Variants in OPRD1 observed in about 807,000 individuals in gnomAD.
The protein encoded by OPRD1 is opioid receptor delta 1, also known as delta-type opioid receptor.
A neutral mutation model predicts 17.5 loss-of-function variants in OPRD1; 19 were observed. That is an observed-to-expected ratio of 1.09 (90% confidence interval 0.76 to 1.60). The LOEUF (loss-of-function observed/expected upper bound fraction) is 1.60. Among genes scored for constraint, OPRD1 ranks in the 40% most tolerant of loss-of-function variants. The pLI is 0.00. For synonymous variants in OPRD1, 256 were observed against 240.9 expected (o/e 1.06, Z -0.58); for missense variants, 483 against 547.2 (o/e 0.88, Z 1.17).
Position 28,863,128 on chromosome 1 carries a change from G to A in OPRD1, c.964G>A (p.Asp322Asn), listed in dbSNP as rs759595223. The A allele has an allele frequency of 1.9e-6, 3 of 1,609,702 alleles. No individual in the cohort carries two copies. The highest frequency in any genetic ancestry group is 1.7e-6 in the Non-Finnish European group (2 of 1,179,252). ...SLNPVLYAFL[D>N]ENFKRCFRQL... ...CAACCCCGTGCTCTACGCTTTCCTC[G>A]ACGAGAACTTCAAGCGCTGCTTCCG... Residue 322 changes from aspartate to asparagine, a missense_variant, in exon 3 of 3, where the codon GAC becomes AAC. Coordinates refer to ENST00000234961, the MANE Select transcript of OPRD1 (RefSeq NM_000911.4).
chr1:28,849,521 C>T (rs534393742), intron 1 of OPRD1, among the ~76,000 whole-genome samples: 3 of 152,180 alleles, frequency 2.0e-5, no homozygotes, highest in South Asian at 2.1e-4. Context: ...CACACACACA[C>T]GCACACACAG....
At chr1:28,834,648 G>A (rs940062536) in intron 1 of OPRD1, among the ~76,000 whole-genome samples, 3 of 152,074 alleles carry the variant, frequency 2.0e-5, no homozygotes, top group African/African-American at 7.2e-5. Context: ...CCAAGGTGCT[G>A]GGATTACAGG....
intron 1 of OPRD1, among the ~76,000 whole-genome samples, chr1:28,855,183 G>A (rs1020374454): frequency 2.0e-5 from 3 of 152,140 alleles, no homozygotes; most frequent in Non-Finnish European, 4.4e-5. Flanking sequence ...TGGTCAGGGA[G>A]GGCCTCCCTG....
chr1:28,823,674 G>A (rs530596888), intron 1 of OPRD1, among the ~76,000 whole-genome samples: 41 of 152,002 alleles, frequency 2.7e-4, no homozygotes, highest in African/African-American at 8.9e-4. Flanking sequence ...GATTACAGGC[G>A]TGAGCCACTG....
At chr1:28,858,709 C>T (rs1358974354) in intron 1 of OPRD1, among the ~76,000 whole-genome samples, 1 of 151,834 alleles carries the variant, frequency 6.6e-6, no homozygotes, top group Non-Finnish European at 1.5e-5. Flanking sequence ...CCACACCCAG[C>T]TAATTTTTGT....
intron 1 of OPRD1, among the ~76,000 whole-genome samples, chr1:28,852,961 C>A (rs1020210153): frequency 2.6e-5 from 4 of 152,106 alleles, no homozygotes; most frequent in Admixed American, 2.6e-4. Context: ...CTCAGGTGAT[C>A]TACCCACCTT....
intron 1 of OPRD1, among the ~76,000 whole-genome samples, chr1:28,816,886 A>T (rs1303231268): frequency 6.6e-6 from 1 of 152,054 alleles, no homozygotes; most frequent in Non-Finnish European, 1.5e-5. Context: ...CACCTGTGGC[A>T]GGTGACCCCC....
chr1:28,855,089 G>A (rs1038420630), intron 1 of OPRD1, among the ~76,000 whole-genome samples: 3 of 152,220 alleles, frequency 2.0e-5, no homozygotes, highest in Admixed American at 6.5e-5. Context: ...ATGTAAGTCA[G>A]GAAGTGGTTT....
Position 28,866,604 on chromosome 1 carries a change from G to C in OPRD1, c.*3321G>C, listed in dbSNP as rs144353357. The C allele has an allele frequency of 3.3e-5, 5 of 152,316 alleles. No homozygotes were observed. The East Asian group carries it at 9.7e-4, about 29-fold the overall frequency. The allele number at this position is 152,316 out of a possible 1,614,324, so 9.4% of individuals were successfully genotyped here. Reference sequence around the variant, plus strand: ...TGCTCCTAAGTCACAGGGCCTGTTCGTAGTGGCAGAACTTGGGTCCCTGGA... The same window carrying C: ...TGCTCCTAAGTCACAGGGCCTGTTCCTAGTGGCAGAACTTGGGTCCCTGGA... On this transcript the variant is annotated 3_prime_UTR_variant, in exon 3 of 3. Transcript: ENST00000234961.
At position 28,868,277 on chromosome 1, in the gene OPRD1, G is replaced by A. The variant is rs939026367; in HGVS notation, c.*4994G>A. The A allele has an allele frequency of 2.0e-5, 3 of 152,202 alleles. No homozygotes were observed. Among genetic ancestry groups the A allele is most frequent in the Non-Finnish European group, 4.4e-5 (3 of 68,050 alleles). The allele number at this position is 152,202 out of a possible 1,614,324, so 9.4% of individuals were successfully genotyped here. A position where few individuals can be genotyped will look rare whatever the true frequency, so the allele number is the denominator to read the frequency against. ...TTCAGTTTCCTTCTAGAGTTGAGAT[G>A]TGGGAATTGGTCCATCTCTAATACG... On this transcript the variant is annotated 3_prime_UTR_variant, in exon 3 of 3. Coordinates refer to ENST00000234961, the MANE Select transcript of OPRD1 (RefSeq NM_000911.4).
chr1:28,822,648 AT>A lies in OPRD1; in HGVS notation c.227+10051del, dbSNP rs11416681. On this transcript the variant is annotated intron_variant, in intron 1 of 2. Transcript: ENST00000234961. ...TGGCATGTGCCACCATGCCCGGTTA[AT>A]TTTTTTTTTTTTGTATTTTTAATAG... Among the ~76,000 whole-genome samples the A allele has an allele frequency of 9.2e-4, 134 of 145,802 alleles. 2 individuals carry two copies. The highest frequency in any genetic ancestry group is 6.5e-3 in the South Asian group (30 of 4,598).
At chr1:28,860,037 G>A (rs1403133795) in intron 2 of OPRD1, among the ~76,000 whole-genome samples, 3 of 152,186 alleles carry the variant, frequency 2.0e-5, no homozygotes, top group Non-Finnish European at 2.9e-5. Flanking sequence ...GCCGGCAGAT[G>A]AATATGGAGA....
At chr1:28,816,917 G>A (rs1210957927) in intron 1 of OPRD1, among the ~76,000 whole-genome samples, 2 of 152,114 alleles carry the variant, frequency 1.3e-5, no homozygotes, top group African/African-American at 4.8e-5. Context: ...GCCTGGCCCA[G>A]ATCCTGGGTG....
At chr1:28,825,534 C>T (rs568031922) in intron 1 of OPRD1, among the ~76,000 whole-genome samples, 11 of 152,274 alleles carry the variant, frequency 7.2e-5, no homozygotes, top group East Asian at 3.9e-4. Context: ...TACAGGCGCA[C>T]GCCACCACAT....
intron 1 of OPRD1, among the ~76,000 whole-genome samples, chr1:28,840,814 C>T (rs1234349787): frequency 1.3e-5 from 2 of 151,896 alleles, no homozygotes; most frequent in Non-Finnish European, 1.5e-5. Flanking sequence ...CCCAGCTACT[C>T]GGGAGGCTGA....
chr1:28,846,846 T>TTTCTTTCTTTCTTTTCTTTCTTTCTTTC lies in OPRD1; in HGVS notation c.228-12106_228-12105insCTTTCTTTCTTTTCTTTCTTTCTTTCTT, dbSNP rs769212543. 5.7e-4 allele frequency among the ~76,000 whole-genome samples: 44 copies of TTTCTTTCTTTCTTTTCTTTCTTTCTTTC among 76,882 alleles called. No homozygotes were observed. In the East Asian group the frequency reaches 8.3e-3, roughly 15 times the overall value. 50.4% of individuals were successfully genotyped at this position (76,882 alleles called of 152,430 possible). On this transcript the variant is annotated intron_variant, in intron 1 of 2. Transcript: ENST00000234961. The stretch of plus-strand genomic sequence containing the variant: ...TTTTCTTTCTTTCTTTCTTTCTTTC[T>TTTCTTTCTTTCTTTTCTTTCTTTCTTTC]TTTCTTTCTTTCTTTCTTTCTTTCT...
In OPRD1 at chr1:28,866,162, T is replaced by G. The variant is rs914270337; in HGVS notation, c.*2879T>G. 1 of 152,132 alleles carries G rather than the reference T, an allele frequency of 6.6e-6. No homozygotes were observed. The highest frequency in any genetic ancestry group is 2.4e-5 in the African/African-American group (1 of 41,416). The allele number at this position is 152,132 out of a possible 1,614,324, so 9.4% of individuals were successfully genotyped here. On this transcript the variant is annotated 3_prime_UTR_variant, in exon 3 of 3. Coordinates refer to ENST00000234961, the MANE Select transcript of OPRD1 (RefSeq NM_000911.4). ...TGCCCTCAGAAAGCCTGAGCCAGTG[T>G]TGGGAGATAAAGCATCAACAGATGA...
chr1:28,838,067 T>C (rs1473718183), intron 1 of OPRD1, among the ~76,000 whole-genome samples: 1 of 151,732 alleles, frequency 6.6e-6, no homozygotes, highest in Non-Finnish European at 1.5e-5. Flanking sequence ...TGAGGTGATC[T>C]CTGTAAATGT....
rs1461599097 is a variant in OPRD1 at position 28,863,898 on chromosome 1, TC to T, written c.*618del. The stretch of plus-strand genomic sequence containing the variant: ...CCTCATCTTTGGATACGGGATACAG[TC>T]CCAGCCCTGAGTTCTAGCAAGGGGC... On this transcript the variant is annotated 3_prime_UTR_variant, in exon 3 of 3. Transcript: ENST00000234961. 1 of 152,328 alleles carries T rather than the reference TC, an allele frequency of 6.6e-6. No homozygotes were observed. The highest frequency in any genetic ancestry group is 2.4e-5 in the African/African-American group (1 of 41,430). 9.4% of individuals were successfully genotyped at this position (152,328 alleles called of 1,614,324 possible).
Sources: allele counts gnomAD v4.1 joint callset (sites outside exome capture counted in the v4.1 genomes callset), GRCh38; gene constraint gnomAD v4.1.1; transcripts MANE v1.5; gene names NCBI Gene and HGNC (gene_info 2026-07-23, HGNC 2026-07-21).